Variants in SLC9A8 observed in about 807,000 individuals in gnomAD.
SLC9A8 encodes the protein sodium/hydrogen exchanger 8.
A neutral mutation model predicts 66.6 loss-of-function variants in SLC9A8; 48 were observed. That is an observed-to-expected ratio of 0.72 (90% CI 0.57 to 0.92). SLC9A8 has a LOEUF of 0.92. Ranked by LOEUF, SLC9A8 falls within the 40% of genes least tolerant of loss-of-function variation. SLC9A8 has a pLI of 0.00. For missense variants in SLC9A8, 599 were observed against 747.3 expected (o/e 0.80, Z 2.31); for synonymous variants, 274 against 282.6 (o/e 0.97, Z 0.31).
intron 3 of SLC9A8, among the ~76,000 whole-genome samples, chr20:49,826,797 A>C (rs2086929235): frequency 6.6e-6 from 1 of 152,174 alleles, no homozygotes; most frequent in Admixed American, 6.6e-5. Context: ...AATCTTGTTT[A>C]TTGACAATTA....
chr20:49,825,698 T>C (rs1465241306), intron 3 of SLC9A8, among the ~76,000 whole-genome samples: 1 of 152,102 alleles, frequency 6.6e-6, no homozygotes, highest in Non-Finnish European at 1.5e-5. Context: ...TCTTGACTCA[T>C]GTAACTGGCA....
At chr20:49,828,848 GTAATAA>G (rs60945627) in intron 3 of SLC9A8, among the ~76,000 whole-genome samples, 12 of 149,778 alleles carry the variant, frequency 8.0e-5, no homozygotes, top group Non-Finnish European at 1.3e-4. Flanking sequence ...CAAATAAATA[GTAATAA>G]TAATAATAAT....
intron 3 of SLC9A8, among the ~76,000 whole-genome samples, chr20:49,837,427 G>A (rs888131641): frequency 1.3e-5 from 2 of 151,448 alleles, no homozygotes; most frequent in East Asian, 1.9e-4. Context: ...AGTAGGTATG[G>A]AGTGGTATCT....
At chr20:49,820,754 C>T (rs747456496) in intron 2 of SLC9A8, among the ~76,000 whole-genome samples, 12 of 151,916 alleles carry the variant, frequency 7.9e-5, no homozygotes, top group Non-Finnish European at 1.5e-4. Flanking sequence ...CCATGTTGGC[C>T]AGGCTGGTCT....
At chr20:49,835,679 CTTTTTTTTTTTT>C (rs34461954) in intron 3 of SLC9A8, among the ~76,000 whole-genome samples, 1 of 71,960 alleles carries the variant, frequency 1.4e-5, no homozygotes, top group Non-Finnish European at 2.4e-5. Flanking sequence ...ACACAATTCA[CTTTTTTTTTTTT>C]TTTTTTTTTT....
At chr20:49,831,152 A>G in intron 3 of SLC9A8, 1 of 498,854 alleles carries the variant, frequency 2.0e-6, no homozygotes, top group African/African-American at 1.9e-5. Context: ...ACATGGGGTC[A>G]GGGGCCTGGG....
chr20:49,887,875 G>A lies in SLC9A8; in HGVS notation c.1685G>A (p.Trp562Ter), dbSNP rs761057180. 6.2e-7 allele frequency: 1 copy of A among 1,613,304 alleles called. No individual in the cohort carries two copies. The change falls in exon 16 of 16, where the codon TGG becomes TAG. Residue 562 changes from tryptophan to a stop codon, truncating the protein, a stop_gained. Transcript: ENST00000361573. LOFTEE classifies it high-confidence loss of function. ...RIQMKTLTNK[W>*]YEEVRQGPSG... ...CAGATGAAAACTCTCACCAACAAGT[G>A]GTACGAGGAGGTACGCCAGGGCCCC...
rs766844887 is a variant in SLC9A8, at chr20:49,886,878, A to C, written c.1618A>C (p.Thr540Pro). Residue 540 changes from threonine (T) to proline (P), a missense_variant, in exon 15 of 16, where the codon ACT becomes CCT. Thr to Pro is a conservative substitution (Grantham distance 38). This residue lies in a region of SLC9A8 where 467 missense variants were observed against 626.5 expected (regional missense o/e 0.75). Coordinates refer to ENST00000361573, the MANE Select transcript of SLC9A8 (RefSeq NM_015266.3). This position sits in a 1 kb window ranked among gnomAD's most constrained non-coding sequence, Gnocchi z 4.8. The stretch of plus-strand genomic sequence containing the variant: ...CGCCAAGTACCTGAACCCCTTCTTC[A>C]CTCGGAGGCTGACGCAGGAGGTGGG... ...LDAKYLNPFF[T>P]RRLTQEDLHH... 11 of 1,613,582 alleles carry C rather than the reference A, an allele frequency of 6.8e-6. No individual in the cohort carries two copies. The South Asian group carries it at 1.1e-4, about 16-fold the overall frequency.
chr20:49,856,768 G>A (rs1405191127), intron 8 of SLC9A8, among the ~76,000 whole-genome samples: 1 of 147,710 alleles, frequency 6.8e-6, no homozygotes, highest in East Asian at 2.0e-4. Flanking sequence ...GTTGCAGTGA[G>A]CCGAGATCAC....
In SLC9A8 at chr20:49,815,070, C is replaced by T. The variant is rs774529183; in HGVS notation, c.89C>T (p.Thr30Met). The T allele has an allele frequency of 1.5e-5, 24 of 1,609,122 alleles. No homozygotes were observed. Among genetic ancestry groups the T allele is most frequent in the Middle Eastern group, 1.6e-4 (1 of 6,078 alleles). The change falls in exon 2 of 16, where the codon ACG becomes ATG. Residue 30 changes from threonine to methionine, a missense_variant. Coordinates refer to ENST00000361573, the MANE Select transcript of SLC9A8 (RefSeq NM_015266.3). ...ACCCTCCACACCACCCTGGTTGTCA[C>T]GACGAAACTGGTGCTCCCGACCCCT... Reference protein sequence around the residue: ...NVTLHTTLVVTTKLVLPTPGK... With the variant: ...NVTLHTTLVVMTKLVLPTPGK...
chr20:49,853,061 A>G (rs953582771), intron 7 of SLC9A8, among the ~76,000 whole-genome samples: 1 of 152,192 alleles, frequency 6.6e-6, no homozygotes, highest in African/African-American at 2.4e-5. Context: ...ACATACAGAA[A>G]AGGTGAAGCA....
At chr20:49,835,635 G>A (rs2087500374) in intron 3 of SLC9A8, among the ~76,000 whole-genome samples, 2 of 148,712 alleles carry the variant, frequency 1.3e-5, no homozygotes, top group South Asian at 4.3e-4. Context: ...CTTTTTATTT[G>A]GCAACAGCTT....
Position 49,883,941 on chromosome 20 carries a change from G to A in SLC9A8, c.1366G>A (p.Val456Met), listed in dbSNP as rs752379354. ...CATCGGCACCACCACCATCGTCATC[G>A]TGCTCTTCACCATCCTGCTGCTGGG... ...QLIGTTTIVI[V>M]LFTILLLGGS... The change falls in exon 14 of 16, where the codon GTG (valine) becomes ATG (methionine). Residue 456 changes from valine to methionine, a missense_variant. Val to Met is a conservative substitution (Grantham distance 21). Around this residue, in one of 2 missense-constraint regions of SLC9A8, gnomAD observed 467 missense variants for 626.5 expected, o/e 0.75. Transcript: ENST00000361573. The A allele has an allele frequency of 1.2e-6, 2 of 1,612,668 alleles. No homozygotes were observed. The highest frequency in any genetic ancestry group is 1.7e-6 in the Non-Finnish European group (2 of 1,179,976).
chr20:49,817,568 A>G (rs2086599331), intron 2 of SLC9A8, among the ~76,000 whole-genome samples: 1 of 151,886 alleles, frequency 6.6e-6, no homozygotes. Flanking sequence ...GAATTTTAAT[A>G]ATACACTTGA....
chr20:49,860,815 A>T (rs951239514), intron 8 of SLC9A8, among the ~76,000 whole-genome samples: 1 of 152,218 alleles, frequency 6.6e-6, no homozygotes, highest in African/African-American at 2.4e-5. Flanking sequence ...TCATTTACTG[A>T]GTCAACAAAA....
chr20:49,868,264 T>C (rs2089057708), intron 10 of SLC9A8, among the ~76,000 whole-genome samples: 1 of 152,108 alleles, frequency 6.6e-6, no homozygotes, highest in Non-Finnish European at 1.5e-5. Flanking sequence ...TTGAGAGGGG[T>C]TTCATTTCCT....
chr20:49,870,198 A>G (rs556559933), intron 10 of SLC9A8, among the ~76,000 whole-genome samples: 3 of 152,258 alleles, frequency 2.0e-5, no homozygotes, highest in Admixed American at 6.5e-5. Flanking sequence ...TGTTGGGGCT[A>G]CATTTATAAA....
At chr20:49,884,280 CACACACACG>C (rs1479254762) in intron 14 of SLC9A8, 97 of 233,322 alleles carry the variant, frequency 4.2e-4, no homozygotes, top group Non-Finnish European at 6.0e-4. Flanking sequence ...ACACGACACA[CACACACACG>C]ACACACACAC....
At chr20:49,862,435 T>A (rs769391566) in intron 8 of SLC9A8, among the ~76,000 whole-genome samples, 36 of 152,084 alleles carry the variant, frequency 2.4e-4, no homozygotes, top group Non-Finnish European at 4.7e-4. Flanking sequence ...ATAGTTTTCG[T>A]ATTTTTAGTA....
Sources: allele counts gnomAD v4.1 joint callset (sites outside exome capture counted in the v4.1 genomes callset), GRCh38; gene constraint gnomAD v4.1.1; regional missense constraint gnomAD v4.1.1; non-coding constraint Gnocchi (gnomAD v3.1); transcripts MANE v1.5; gene names NCBI Gene and HGNC (gene_info 2026-07-23, HGNC 2026-07-21).